The following KMT2E variants were observed in gnomAD, a reference collection of about 807,000 sequenced individuals.
The protein encoded by KMT2E is histone reader KMT2E.
KMT2E carries 30 observed loss-of-function variants against 184.6 expected under a neutral mutation model. The observed-to-expected ratio is 0.16, with a 90% confidence interval of 0.12 to 0.22. The LOEUF (loss-of-function observed/expected upper bound fraction) is 0.22. KMT2E is among the 10% of genes least tolerant of loss of function. KMT2E has a pLI of 1.00. For missense variants in KMT2E, 2,023 were observed against 2,237.4 expected, an observed-to-expected ratio of 0.90 and a Z score of 1.93; for synonymous variants, 815 against 776.5, an observed-to-expected ratio of 1.05 and a Z score of -0.82.
rs531012938 is a variant in KMT2E, at chr7:105,092,402, C to CA, written c.1722+1098dup. Among the ~76,000 whole-genome samples, 218 of 145,662 alleles carry CA rather than the reference C, an allele frequency of 1.5e-3. 1 individual carries two copies. Among genetic ancestry groups the CA allele is most frequent in the South Asian group, 9.4e-3 (43 of 4,590 alleles). On this transcript the variant is annotated intron_variant, in intron 15 of 26. Transcript: ENST00000311117. ...GGGTGACAGAGCAAGACTCCATCTC[C>CA]AAAAAAAAAAGTTTGGTCATTGTTG...
At chr7:105,016,363 A>G (rs1584678078) in intron 1 of KMT2E, among the ~76,000 whole-genome samples, 5 of 152,224 alleles carry the variant, frequency 3.3e-5, no homozygotes, top group East Asian at 1.9e-4. Context: ...CTTACAGCAT[A>G]CTATCATCAT....
chr7:105,022,546 C>A (rs1399403495), intron 1 of KMT2E, among the ~76,000 whole-genome samples: 2 of 151,884 alleles, frequency 1.3e-5, no homozygotes, highest in Non-Finnish European at 2.9e-5. Context: ...AGTAGTTTCT[C>A]TATTGTATAG....
intron 2 of KMT2E, 33 bp from the exon 3 acceptor site, chr7:105,040,806 T>C (rs1438282690): frequency 8.2e-6 from 4 of 488,834 alleles, no homozygotes; most frequent in Non-Finnish European, 1.5e-5. Context: ...ATAGTGTGAC[T>C]GTTGCTTTTT....
At chr7:105,087,737 T>C (rs2129568761) in intron 13 of KMT2E, among the ~76,000 whole-genome samples, 1 of 152,062 alleles carries the variant, frequency 6.6e-6, no homozygotes. Flanking sequence ...CAGAGGTCTT[T>C]TTCTGTGTTG....
chr7:105,017,448 TGTTTTA>T (rs954580507), intron 1 of KMT2E, among the ~76,000 whole-genome samples: 2 of 149,940 alleles, frequency 1.3e-5, no homozygotes, highest in Non-Finnish European at 3.0e-5. Context: ...TTTTTTTTGA[TGTTTTA>T]GTTCCTGTAA....
At chr7:105,031,391 A>G (rs978226878) in intron 1 of KMT2E, among the ~76,000 whole-genome samples, 47 of 151,504 alleles carry the variant, frequency 3.1e-4, no homozygotes, top group African/African-American at 1.0e-3. Flanking sequence ...TGGGGAAGAA[A>G]GAATGACAGA....
At position 105,037,640 on chromosome 7, in the gene KMT2E, G is replaced by T. The variant is rs566105296; in HGVS notation, c.-188-486G>T. The stretch of plus-strand genomic sequence containing the variant: ...AGCTGCTCAAAGTGCTGGGATTACA[G>T]GTGTGAGCCACTGTGCCCAGCTGTT... On this transcript the variant is annotated intron_variant, in intron 1 of 26. Coordinates refer to ENST00000311117, the MANE Select transcript of KMT2E (RefSeq NM_182931.3). Among the ~76,000 whole-genome samples the T allele has an allele frequency of 1.6e-4, 25 of 152,212 alleles. 3 individuals are homozygous for T. In the East Asian group the frequency reaches 4.6e-3, roughly 28 times the overall value.
chr7:105,060,057 G>A (rs568966904), intron 3 of KMT2E, among the ~76,000 whole-genome samples: 2 of 122,276 alleles, frequency 1.6e-5, no homozygotes, highest in African/African-American at 3.1e-5. Flanking sequence ...GTGCAGTAGC[G>A]CAGTCTCGGC....
intron 3 of KMT2E, among the ~76,000 whole-genome samples, chr7:105,054,861 CACTTTGG>C (rs1796512016): frequency 6.6e-6 from 1 of 152,112 alleles, no homozygotes; most frequent in African/African-American, 2.4e-5. Flanking sequence ...AAAAAGTTAC[CACTTTGG>C]ACTCTGGATG....
intron 15 of KMT2E, among the ~76,000 whole-genome samples, chr7:105,093,290 A>G (rs1434873849): frequency 1.3e-5 from 2 of 152,330 alleles, no homozygotes; most frequent in East Asian, 1.9e-4. Flanking sequence ...ATTCTCTTTA[A>G]AAACATTTGT....
At chr7:105,067,810 A>G (rs1486603710) in intron 6 of KMT2E, among the ~76,000 whole-genome samples, 1 of 152,206 alleles carries the variant, frequency 6.6e-6, no homozygotes, top group South Asian at 2.1e-4. Flanking sequence ...GTCTCTCCTA[A>G]AAATACAGAA....
At position 105,064,405 on chromosome 7, in the gene KMT2E, C is replaced by A. The variant is rs140959839; in HGVS notation, c.416+825C>A. ...TTGATGTGATGCAGTATGGCATATACCCATATTTGAATGTAAGTATAAAAA... is the reference window on the plus strand; with the variant it reads ...TTGATGTGATGCAGTATGGCATATAACCATATTTGAATGTAAGTATAAAAA... On this transcript the variant is annotated intron_variant, in intron 5 of 26. Coordinates refer to ENST00000311117, the MANE Select transcript of KMT2E (RefSeq NM_182931.3). 5.0e-3 allele frequency among the ~76,000 whole-genome samples: 751 copies of A among 151,666 alleles called. 4 individuals are homozygous for A. The highest frequency in any genetic ancestry group is 0.012 in the South Asian group (59 of 4,802).
chr7:105,112,259 A>G lies in KMT2E; in HGVS notation c.4503A>G (p.Pro1501=). ...GAGAGCCTCAAAGAAACTTTTATCCAGCAGCACAGAACCTTCCAGCCAATA... is the reference window on the plus strand; with the variant it reads ...GAGAGCCTCAAAGAAACTTTTATCCGGCAGCACAGAACCTTCCAGCCAATA... ...PQREPQRNFY[P]AAQNLPANTQ... Residue 1501 remains proline, a synonymous_variant, in exon 27 of 27, where the codon CCA becomes CCG. Coordinates refer to ENST00000311117, the MANE Select transcript of KMT2E (RefSeq NM_182931.3). 1.2e-6 allele frequency: 2 copies of G among 1,614,182 alleles called. No individual in the cohort carries two copies. Among genetic ancestry groups the G allele is most frequent in the Non-Finnish European group, 8.5e-7 (1 of 1,180,032 alleles).
intron 1 of KMT2E, among the ~76,000 whole-genome samples, chr7:105,016,808 G>A (rs1212477269): frequency 6.6e-6 from 1 of 152,172 alleles, no homozygotes; most frequent in African/African-American, 2.4e-5. Context: ...TTTTAGAGCA[G>A]CATTTACTTC....
chr7:105,060,038 C>T (rs1796748658), intron 3 of KMT2E, among the ~76,000 whole-genome samples: 1 of 117,006 alleles, frequency 8.5e-6, no homozygotes, highest in Non-Finnish European at 1.6e-5. Flanking sequence ...CTCTGTCGCC[C>T]AGGCTGGAGT....
intron 3 of KMT2E, among the ~76,000 whole-genome samples, chr7:105,057,750 C>G (rs1010232814): frequency 2.0e-5 from 3 of 152,118 alleles, no homozygotes; most frequent in African/African-American, 7.2e-5. Flanking sequence ...CTGCGCCCAG[C>G]CTCTTAAGTA....
At chr7:105,063,313 T>G in intron 4 of KMT2E, 38 bp from the exon 5 acceptor site, 1 of 1,377,744 alleles carries the variant, frequency 7.3e-7, no homozygotes, top group Non-Finnish European at 1.0e-6. Flanking sequence ...TTGTTGAAAT[T>G]AAATAATATT....
rs71152940 is a variant in KMT2E, at chr7:105,078,657, CTTTTTTTTTTTTTTTTT to C, written c.1131-174_1131-158del. Among the ~76,000 whole-genome samples the C allele has an allele frequency of 4.3e-4, 20 of 46,678 alleles. 1 individual carries two copies. Among genetic ancestry groups the C allele is most frequent in the Admixed American group, 2.7e-3 (7 of 2,576 alleles). The allele number at this position is 46,678 out of a possible 152,430, so 30.6% of individuals were successfully genotyped here. A position where few individuals can be genotyped will look rare whatever the true frequency, so the allele number is the denominator to read the frequency against. Reference sequence around the variant, plus strand: ...ACAGGCACATGCTACCATGCCTGGCCTTTTTTTTTTTTTTTTTTTTTTTTTTTTTTTGTAAATACGGA... The same window carrying C: ...ACAGGCACATGCTACCATGCCTGGCCTTTTTTTTTTTTTTGTAAATACGGA... On this transcript the variant is annotated intron_variant, in intron 11 of 26. Coordinates refer to ENST00000311117, the MANE Select transcript of KMT2E (RefSeq NM_182931.3).
intron 1 of KMT2E, among the ~76,000 whole-genome samples, chr7:105,024,186 GATA>G (rs1292764530): frequency 2.6e-5 from 4 of 152,166 alleles, no homozygotes; most frequent in African/African-American, 4.8e-5. Flanking sequence ...AGAAAATTAA[GATA>G]ATCATATTTC....
Sources: gnomAD v4.1 joint callset for allele counts (sites outside exome capture counted in the v4.1 genomes callset) on GRCh38, gnomAD v4.1.1 for gene constraint, MANE v1.5 for transcripts, NCBI Gene and HGNC (gene_info 2026-07-23, HGNC 2026-07-21) for gene names.